The following VSTM4 variants were observed in gnomAD, a reference collection of about 807,000 sequenced individuals.
VSTM4 encodes the protein V-set and transmembrane domain containing 4.
Under a neutral mutation model 36.4 loss-of-function variants are expected in VSTM4, and 20 were observed. The ratio of observed to expected loss-of-function variants is 0.55; its 90% confidence interval spans 0.39 to 0.80. The LOEUF is 0.80. Ranked by LOEUF, VSTM4 falls within the 30% of genes least tolerant of loss-of-function variation. The pLI is 0.00. For missense variants in VSTM4, 392 were observed against 404.5 expected (o/e 0.97, Z 0.26); for synonymous variants, 182 against 173.9 (o/e 1.05, Z -0.37).
intron 3 of VSTM4, among the ~76,000 whole-genome samples, chr10:49,083,706 T>C (rs1023449201): frequency 3.9e-5 from 6 of 152,210 alleles, no homozygotes; most frequent in African/African-American, 9.6e-5. Flanking sequence ...TAGCTGCACA[T>C]GAATTATGAG....
At chr10:49,089,761 C>T (rs1210422372) in intron 2 of VSTM4, among the ~76,000 whole-genome samples, 1 of 152,216 alleles carries the variant, frequency 6.6e-6, no homozygotes, top group Non-Finnish European at 1.5e-5. Context: ...CGGGAATTTT[C>T]CCAAGGTTCT....
At chr10:49,068,407 C>T (rs73300992) in intron 4 of VSTM4, among the ~76,000 whole-genome samples, 42 of 152,202 alleles carry the variant, frequency 2.8e-4, no homozygotes, top group African/African-American at 7.7e-4. Context: ...GGCAGGGAGC[C>T]GACTAAGAAG....
At chr10:49,073,312 G>A (rs562750887) in intron 4 of VSTM4, among the ~76,000 whole-genome samples, 21 of 152,190 alleles carry the variant, frequency 1.4e-4, no homozygotes, top group Admixed American at 8.5e-4. Flanking sequence ...CTGGGAGGAC[G>A]GCTTCTGCTA....
At chr10:49,030,401 G>A (rs1212436764) in intron 7 of VSTM4, among the ~76,000 whole-genome samples, 1 of 152,172 alleles carries the variant, frequency 6.6e-6, no homozygotes, top group Admixed American at 6.5e-5. Context: ...ACTCTCGGAG[G>A]CACCAAACGC....
At chr10:49,071,503 A>G (rs1435888849) in intron 4 of VSTM4, among the ~76,000 whole-genome samples, 1 of 152,230 alleles carries the variant, frequency 6.6e-6, no homozygotes, top group Non-Finnish European at 1.5e-5. Context: ...GGCAAGCAAC[A>G]TATGTGTGCA....
chr10:49,050,076 T>C (rs916742293), intron 5 of VSTM4, among the ~76,000 whole-genome samples: 4 of 152,074 alleles, frequency 2.6e-5, no homozygotes, highest in Non-Finnish European at 5.9e-5. Flanking sequence ...ACTAGTTGAG[T>C]AGATTATGGT....
intron 5 of VSTM4, among the ~76,000 whole-genome samples, chr10:49,052,555 A>C (rs1008600527): frequency 1.3e-5 from 2 of 151,930 alleles, no homozygotes; most frequent in African/African-American, 4.8e-5. Flanking sequence ...TTTATTGAAA[A>C]ATATTTTTCC....
At chr10:49,044,991 T>C (rs1843584975) in intron 7 of VSTM4, among the ~76,000 whole-genome samples, 1 of 152,240 alleles carries the variant, frequency 6.6e-6, no homozygotes, top group Admixed American at 6.5e-5. Context: ...ACTGTTGTCA[T>C]AAATCAAATG....
rs552579024 is a variant in VSTM4, at chr10:49,107,632, G to A, written c.419C>T (p.Thr140Met). ...GGCTGAGGAGCCATTGGACCAGGCC[G>A]TCCACTTGTTCCTGTGCCTGCTGAT... ...QEISRHRNKW[T>M]AWSNGSSATE... The change falls in exon 2 of 8, where the codon ACG becomes ATG. Residue 140 changes from threonine to methionine, a missense_variant. By Grantham distance (81) the Thr-to-Met change is moderately conservative. Coordinates refer to ENST00000332853, the MANE Select transcript of VSTM4 (RefSeq NM_001031746.5). The A allele has an allele frequency of 4.2e-5, 68 of 1,613,204 alleles. No homozygotes were observed. Among genetic ancestry groups the A allele is most frequent in the Non-Finnish European group, 5.3e-5 (63 of 1,179,272 alleles).
rs1843102434 is a variant in VSTM4 at position 49,016,128 on chromosome 10, T to C, written c.*3522A>G. 6.6e-6 allele frequency: 1 copy of C among 152,064 alleles called. No individual in the cohort carries two copies. Among genetic ancestry groups the C allele is most frequent in the Non-Finnish European group, 1.5e-5 (1 of 68,004 alleles). 9.4% of individuals were successfully genotyped at this position (152,064 alleles called of 1,614,324 possible). A position where few individuals can be genotyped will look rare whatever the true frequency, so the allele number is the denominator to read the frequency against. On this transcript the variant is annotated 3_prime_UTR_variant, in exon 8 of 8. Transcript: ENST00000332853. ...GTACTGATATCAGTATTTTGTTTGT[T>C]TGTTTGTTTGTTTGTTTTGCTTCCT...
intron 1 of VSTM4, among the ~76,000 whole-genome samples, chr10:49,109,571 C>T (rs1055727299): frequency 2.0e-5 from 3 of 152,206 alleles, no homozygotes; most frequent in Admixed American, 2.0e-4. Context: ...TGAGCCTTGA[C>T]TTCATCACAC....
chr10:49,028,323 C>A (rs11816318), intron 7 of VSTM4, among the ~76,000 whole-genome samples: 16 of 152,086 alleles, frequency 1.1e-4, no homozygotes, highest in African/African-American at 3.4e-4. Flanking sequence ...AGTGAGTCTG[C>A]AGTTTTCAGA....
intron 2 of VSTM4, among the ~76,000 whole-genome samples, chr10:49,094,461 C>CA (rs1286659753): frequency 6.6e-6 from 1 of 152,194 alleles, no homozygotes. Context: ...TGATCCCTGG[C>CA]AAGTAGGCCT....
At chr10:49,094,636 A>C (rs1342566550) in intron 2 of VSTM4, among the ~76,000 whole-genome samples, 45 of 152,230 alleles carry the variant, frequency 3.0e-4, no homozygotes, top group Admixed American at 2.9e-3. Context: ...AGATGAGCCA[A>C]CACCTTTGTC....
intron 5 of VSTM4, among the ~76,000 whole-genome samples, chr10:49,049,617 A>G (rs1338453045): frequency 1.3e-5 from 2 of 152,236 alleles, no homozygotes; most frequent in South Asian, 4.1e-4. Context: ...AGAAATCCAT[A>G]AAAATATGAC....
chr10:49,020,589 T>C (rs1843166349), intron 7 of VSTM4, among the ~76,000 whole-genome samples: 1 of 151,880 alleles, frequency 6.6e-6, no homozygotes, highest in African/African-American at 2.4e-5. Flanking sequence ...CTGAATATAC[T>C]GAAAAAACTT....
intron 1 of VSTM4, 60 bp downstream of exon 1, chr10:49,115,370 TC>T: frequency 1.0e-6 from 1 of 973,432 alleles, no homozygotes; most frequent in Non-Finnish European, 1.2e-6. Flanking sequence ...AGCCCCGGCC[TC>T]CCCGGCGCGG....
At chr10:49,061,755 C>T (rs1462120276) in intron 5 of VSTM4, among the ~76,000 whole-genome samples, 2 of 152,168 alleles carry the variant, frequency 1.3e-5, no homozygotes, top group African/African-American at 2.4e-5. Context: ...TTTCAATCTA[C>T]TTACGTCACT....
chr10:49,056,986 G>T (rs3924985), intron 5 of VSTM4, among the ~76,000 whole-genome samples: 1 of 151,666 alleles, frequency 6.6e-6, no homozygotes, highest in Non-Finnish European at 1.5e-5. Context: ...GGAGGGGCCC[G>T]CATATCATCC....
Sources: allele counts gnomAD v4.1 joint callset (sites outside exome capture counted in the v4.1 genomes callset), GRCh38; gene constraint gnomAD v4.1.1; transcripts MANE v1.5; gene names NCBI Gene and HGNC (gene_info 2026-07-23, HGNC 2026-07-21).